GBE1: variants seen among roughly 807,000 people sequenced by gnomAD.
The protein encoded by GBE1 is 1,4-alpha-glucan branching enzyme 1.
Under a neutral mutation model 88.8 loss-of-function variants are expected in GBE1, and 70 were observed. The observed-to-expected ratio is 0.79, with a 90% confidence interval of 0.65 to 0.96. GBE1 has a LOEUF of 0.96. Among genes scored for constraint, GBE1 ranks in the 40% least tolerant of loss-of-function variants. The probability of loss-of-function intolerance (pLI) is 0.00; values close to 1 mark genes in which losing one functional copy is unlikely to be tolerated. For missense variants in GBE1, 872 were observed against 871.0 expected, an observed-to-expected ratio of 1.00 and a Z score of -0.01; for synonymous variants, 284 against 300.1, an observed-to-expected ratio of 0.95 and a Z score of 0.56.
intron 1 of GBE1, among the ~76,000 whole-genome samples, chr3:81,720,219 G>A (rs1706003065): frequency 6.6e-6 from 1 of 151,878 alleles, no homozygotes; most frequent in South Asian, 2.1e-4. Flanking sequence ...CCTACATATT[G>A]GCAAGATCTC....
chr3:81,662,408 T>C (rs9847606), intron 3 of GBE1, among the ~76,000 whole-genome samples: 21,274 of 152,140 alleles, frequency 0.14, 1,616 homozygotes, highest in Non-Finnish European at 0.18. Flanking sequence ...ACTCAAATCA[T>C]TGAAGGCTTC....
chr3:81,524,286 T>C (rs1702913236), intron 14 of GBE1, among the ~76,000 whole-genome samples: 2 of 151,888 alleles, frequency 1.3e-5, no homozygotes. Context: ...TTGTCATTTG[T>C]ATGTCTTCTT....
chr3:81,521,916 G>A (rs934529576), intron 14 of GBE1, among the ~76,000 whole-genome samples: 1 of 151,560 alleles, frequency 6.6e-6, no homozygotes, highest in Non-Finnish European at 1.5e-5. Flanking sequence ...TGTGATGGCT[G>A]CCAGGAAAGC....
chr3:81,745,131 G>A (rs763968830), intron 1 of GBE1, among the ~76,000 whole-genome samples: 1 of 152,130 alleles, frequency 6.6e-6, no homozygotes, highest in South Asian at 2.1e-4. Context: ...GTGCCAAAGA[G>A]AGTGTTAGGA....
chr3:81,510,563 A>C (rs887574280), intron 14 of GBE1, among the ~76,000 whole-genome samples: 9 of 152,006 alleles, frequency 5.9e-5, no homozygotes, highest in Admixed American at 1.3e-4. Context: ...TAACTACATC[A>C]GATTAATTAT....
At chr3:81,548,804 A>G (rs1179004556) in intron 12 of GBE1, among the ~76,000 whole-genome samples, 5 of 150,814 alleles carry the variant, frequency 3.3e-5, no homozygotes, top group African/African-American at 1.2e-4. Context: ...GCAGAAGATG[A>G]GTTAACTGCA....
At chr3:81,557,526 A>C (rs1381462734) in intron 12 of GBE1, among the ~76,000 whole-genome samples, 1 of 151,998 alleles carries the variant, frequency 6.6e-6, no homozygotes, top group East Asian at 1.9e-4. Context: ...GGAGAAGGAC[A>C]AAAAGAAAGA....
intron 15 of GBE1, among the ~76,000 whole-genome samples, chr3:81,492,182 G>A (rs886842869): frequency 2.0e-5 from 3 of 152,176 alleles, no homozygotes; most frequent in Non-Finnish European, 4.4e-5. Context: ...CTAAGTGTGA[G>A]AAAACCATGT....
chr3:81,529,800 G>C (rs1466938442), intron 14 of GBE1, among the ~76,000 whole-genome samples: 3 of 151,730 alleles, frequency 2.0e-5, no homozygotes, highest in African/African-American at 7.3e-5. Flanking sequence ...GTATTATTTG[G>C]GTAAAATCTG....
intron 1 of GBE1, among the ~76,000 whole-genome samples, chr3:81,719,759 T>A (rs1705994420): frequency 6.6e-6 from 1 of 152,156 alleles, no homozygotes; most frequent in Non-Finnish European, 1.5e-5. Flanking sequence ...ATATATAGTT[T>A]CAAACAAGAT....
intron 2 of GBE1, among the ~76,000 whole-genome samples, chr3:81,702,967 G>A (rs766673953): frequency 6.6e-6 from 1 of 151,758 alleles, no homozygotes; most frequent in African/African-American, 2.4e-5. Flanking sequence ...TATGTTTATA[G>A]AAACTATTAA....
At chr3:81,547,419 C>G (rs1703219975) in intron 12 of GBE1, among the ~76,000 whole-genome samples, 1 of 151,438 alleles carries the variant, frequency 6.6e-6, no homozygotes, top group African/African-American at 2.4e-5. Flanking sequence ...CAGAATTACA[C>G]AAGTAAAGGA....
intron 7 of GBE1, among the ~76,000 whole-genome samples, chr3:81,606,011 C>T (rs528787714): frequency 6.6e-6 from 1 of 152,284 alleles, no homozygotes; most frequent in East Asian, 1.9e-4. Flanking sequence ...TTAACTACTA[C>T]ATATATCTGC....
chr3:81,569,017 T>TA (rs1020681705), intron 12 of GBE1, among the ~76,000 whole-genome samples: 1 of 151,726 alleles, frequency 6.6e-6, no homozygotes, highest in African/African-American at 2.4e-5. Context: ...TTTAAAGATC[T>TA]AAAAAAAATA....
At chr3:81,503,217 T>C (rs1702612581) in intron 14 of GBE1, among the ~76,000 whole-genome samples, 1 of 152,286 alleles carries the variant, frequency 6.6e-6, no homozygotes, top group African/African-American at 2.4e-5. Flanking sequence ...CATGTACATG[T>C]GACTCACAGC....
intron 12 of GBE1, among the ~76,000 whole-genome samples, chr3:81,562,236 T>C (rs771596800): frequency 1.3e-5 from 2 of 152,102 alleles, no homozygotes; most frequent in East Asian, 1.9e-4. Context: ...ATTTGTAACA[T>C]TGGTTCATAA....
intron 14 of GBE1, among the ~76,000 whole-genome samples, chr3:81,525,256 G>A (rs750288993): frequency 1.6e-4 from 24 of 151,950 alleles, no homozygotes; most frequent in Non-Finnish European, 3.5e-4. Flanking sequence ...GTTGAATTTT[G>A]TCAAAGGCCT....
intron 7 of GBE1, among the ~76,000 whole-genome samples, chr3:81,635,785 T>C (rs1237480799): frequency 1.3e-5 from 2 of 152,118 alleles, no homozygotes; most frequent in Admixed American, 6.6e-5. Context: ...GCACCAACCA[T>C]TGTTTTAAGC....
chr3:81,568,687 C>T (rs2106920359), intron 12 of GBE1, among the ~76,000 whole-genome samples: 1 of 152,078 alleles, frequency 6.6e-6, no homozygotes, highest in East Asian at 1.9e-4. Context: ...TTCCCAAATG[C>T]GTTAAGGATT....
Sources: gnomAD v4.1 joint callset for allele counts (sites outside exome capture counted in the v4.1 genomes callset) on GRCh38, gnomAD v4.1.1 for gene constraint, MANE v1.5 for transcripts, NCBI Gene and HGNC (gene_info 2026-07-23, HGNC 2026-07-21) for gene names.